MAP3K15: variants seen among roughly 807,000 people sequenced by gnomAD.
The protein encoded by MAP3K15 is mitogen-activated protein kinase kinase kinase 15, also known as MAPK/ERK kinase kinase 15.
Under a neutral mutation model 99.5 loss-of-function variants are expected in MAP3K15, and 124 were observed. That is an observed-to-expected ratio of 1.25 (90% CI 1.08 to 1.45). The LOEUF (loss-of-function observed/expected upper bound fraction) is 1.45. MAP3K15 is among the 40% of genes most tolerant of loss of function. The probability of loss-of-function intolerance (pLI) is 0.00; values close to 1 mark genes in which losing one functional copy is unlikely to be tolerated. For missense variants in MAP3K15, 1,242 were observed against 1,079.7 expected (o/e 1.15, Z -2.11); for synonymous variants, 494 against 439.6 (o/e 1.12, Z -1.55).
At chrX:19,367,412 C>T (rs973921242) in intron 25 of MAP3K15, among the ~76,000 whole-genome samples, 2 of 110,644 alleles carry the variant, frequency 1.8e-5, no homozygotes, top group African/African-American at 6.5e-5. Flanking sequence ...GTACAATAAA[C>T]CCCCATGACA....
chrX:19,424,578 G>A (rs375621480), intron 9 of MAP3K15, among the ~76,000 whole-genome samples: 6 of 111,068 alleles, frequency 5.4e-5, no homozygotes, highest in Non-Finnish European at 7.5e-5. Context: ...ATTCTCAGGC[G>A]TCCACCCCAG....
chrX:19,454,498 G>C (rs1488751103), intron 6 of MAP3K15, among the ~76,000 whole-genome samples: 5 of 111,795 alleles, frequency 4.5e-5, no homozygotes, highest in Non-Finnish European at 7.5e-5. Context: ...GCTTCTGAAC[G>C]CAGTGGAGTG....
At chrX:19,473,747 G>A (rs1426117638) in intron 3 of MAP3K15, among the ~76,000 whole-genome samples, 1 of 110,516 alleles carries the variant, frequency 9.0e-6, no homozygotes, top group African/African-American at 3.4e-5. Flanking sequence ...CCTAGCAATT[G>A]CCATTTCCAG....
At chrX:19,416,237 A>G (rs2063733802) in intron 9 of MAP3K15, among the ~76,000 whole-genome samples, 1 of 111,304 alleles carries the variant, frequency 9.0e-6, no homozygotes, top group African/African-American at 3.3e-5. Context: ...AGGCTGAGGC[A>G]GAAGGAATGC....
chrX:19,398,315 C>T lies in MAP3K15; in HGVS notation c.1977G>A (p.Gly659=). Residue 659 remains glycine (G), a synonymous_variant, in exon 15 of 29, where the codon GGG becomes GGA. Transcript: ENST00000338883. Reference sequence around the variant, plus strand: ...CATACACAATCCCATACGTGCCTTTCCCCAAGACAACTCTCTCACCATTTG... The same window carrying T: ...CATACACAATCCCATACGTGCCTTTTCCCAAGACAACTCTCTCACCATTTG... The part of the protein sequence containing the change: ...HDANGERVVL[G]KGTYGIVYAG... The T allele has an allele frequency of 8.3e-7, 1 of 1,211,327 alleles. No individual in the cohort carries two copies. The highest frequency in any genetic ancestry group is 1.1e-6 in the Non-Finnish European group (1 of 895,194).
intron 6 of MAP3K15, among the ~76,000 whole-genome samples, chrX:19,447,883 C>CAAAAAAAAAAAAAAAAA (rs753152404): frequency 3.9e-5 from 1 of 25,965 alleles, no homozygotes; most frequent in African/African-American, 1.2e-4. Flanking sequence ...GACTCCGTCT[C>CAAAAAAAAAAAAAAAAA]AAAAAAAAAA....
chrX:19,439,101 G>A (rs746832410), intron 6 of MAP3K15, among the ~76,000 whole-genome samples: 1 of 111,547 alleles, frequency 9.0e-6, no homozygotes, highest in African/African-American at 3.3e-5. Flanking sequence ...GGAGTCTGAG[G>A]CAGGAGAATT....
At chrX:19,479,301 G>C (rs1328111120) in intron 3 of MAP3K15, among the ~76,000 whole-genome samples, 1 of 110,730 alleles carries the variant, frequency 9.0e-6, no homozygotes, top group African/African-American at 3.3e-5. Context: ...AGTGATGAAG[G>C]ACAAATGGAG....
intron 1 of MAP3K15, among the ~76,000 whole-genome samples, chrX:19,505,563 G>A (rs1409240440): frequency 9.1e-6 from 1 of 110,452 alleles, no homozygotes. Flanking sequence ...AGGTTCCCAT[G>A]GGGACCATGG....
chrX:19,421,875 G>A (rs758841987), intron 9 of MAP3K15, among the ~76,000 whole-genome samples: 56 of 109,100 alleles, frequency 5.1e-4, no homozygotes, highest in South Asian at 2.8e-3. Context: ...AAATAATGCC[G>A]CATAGCTACA....
rs756492609 is a variant in MAP3K15 at position 19,373,702 on chromosome X, G to A, written c.2774-7C>T. Reference sequence around the variant, plus strand: ...ACGACACCGCGGGGACCTTCTGTAGGGGGACAGCCAGACACCGAATGGGGA... The same window carrying A: ...ACGACACCGCGGGGACCTTCTGTAGAGGGACAGCCAGACACCGAATGGGGA... On this transcript the variant is annotated splice_region_variant and splice_polypyrimidine_tract_variant and intron_variant, in intron 20 of 28. Coordinates refer to ENST00000338883, the MANE Select transcript of MAP3K15 (RefSeq NM_001001671.4). The A allele has an allele frequency of 4.2e-6, 5 of 1,194,537 alleles. No individual in the cohort carries two copies. The African/African-American group carries it at 8.8e-5, about 21-fold the overall frequency.
At position 19,392,294 on chromosome X, in the gene MAP3K15, T is replaced by C. The variant is rs180787646; in HGVS notation, c.2325+49A>G. 3.6e-3 allele frequency: 4,241 copies of C among 1,175,581 alleles called. 8 individuals carry two copies. Among genetic ancestry groups the C allele is most frequent in the Non-Finnish European group, 4.3e-3 (3,743 of 874,003 alleles). On this transcript the variant is annotated intron_variant, in intron 17 of 28. Transcript: ENST00000338883. ...CAGCAGACACCATCGACAGCTCTCATGATCTGATACGAGCAAAGGCAACCT... is the reference window on the plus strand; with the variant it reads ...CAGCAGACACCATCGACAGCTCTCACGATCTGATACGAGCAAAGGCAACCT...
At chrX:19,435,766 T>C (rs991026343) in intron 6 of MAP3K15, among the ~76,000 whole-genome samples, 9 of 112,221 alleles carry the variant, frequency 8.0e-5, no homozygotes, top group African/African-American at 2.9e-4. Flanking sequence ...CTATGTTGAA[T>C]CAGCCAGCAA....
Position 19,373,532 on chromosome X carries a change from G to C in MAP3K15, c.2933+4C>G, listed in dbSNP as rs372306539. The C allele has an allele frequency of 1.6e-5, 19 of 1,168,799 alleles. No individual in the cohort carries two copies. The highest frequency in any genetic ancestry group is 1.9e-5 in the Non-Finnish European group (17 of 873,471). ...CGCGGCAGACAGACAGAATACGGGTGTACCTGAGGAGGTGGCCAAGGTGGT... is the reference window on the plus strand; with the variant it reads ...CGCGGCAGACAGACAGAATACGGGTCTACCTGAGGAGGTGGCCAAGGTGGT... On this transcript the variant is annotated splice_donor_region_variant and intron_variant, in intron 21 of 28. Coordinates refer to ENST00000338883, the MANE Select transcript of MAP3K15 (RefSeq NM_001001671.4).
At chrX:19,507,771 G>C (rs2064489496) in intron 1 of MAP3K15, among the ~76,000 whole-genome samples, 1 of 109,496 alleles carries the variant, frequency 9.1e-6, no homozygotes, top group Admixed American at 9.9e-5. Flanking sequence ...GGGTTGATGG[G>C]AACACTCTGC....
chrX:19,412,373 C>T (rs1392062047), intron 11 of MAP3K15, among the ~76,000 whole-genome samples: 3 of 112,369 alleles, frequency 2.7e-5, no homozygotes, highest in Non-Finnish European at 5.6e-5. Context: ...TTAGGATGTT[C>T]TTCTGTGCAT....
At chrX:19,513,158 G>A (rs1270055366) in intron 1 of MAP3K15, among the ~76,000 whole-genome samples, 2 of 111,724 alleles carry the variant, frequency 1.8e-5, no homozygotes, top group African/African-American at 6.5e-5. Flanking sequence ...GAGCCAAGGT[G>A]ACGTGTCTGT....
intron 9 of MAP3K15, among the ~76,000 whole-genome samples, chrX:19,422,186 T>A (rs1176194982): frequency 1.8e-5 from 2 of 110,134 alleles, no homozygotes; most frequent in African/African-American, 6.7e-5. Flanking sequence ...AAATGGGATC[T>A]AATTAAACTA....
At chrX:19,470,979 A>G (rs5955790) in intron 3 of MAP3K15, among the ~76,000 whole-genome samples, 6,537 of 111,809 alleles carry the variant, frequency 0.058, 391 homozygotes, top group African/African-American at 0.18. Flanking sequence ...GGGGGGTAGG[A>G]ATTCTGAAGT....
Sources: gnomAD v4.1 joint callset for allele counts (sites outside exome capture counted in the v4.1 genomes callset) on GRCh38, gnomAD v4.1.1 for gene constraint, MANE v1.5 for transcripts, NCBI Gene and HGNC (gene_info 2026-07-23, HGNC 2026-07-21) for gene names.